The following ULK4 variants were observed in gnomAD, a reference collection of about 807,000 sequenced individuals.
ULK4 encodes the protein inactive serine/threonine-protein kinase ULK4.
ULK4 carries 133 observed loss-of-function variants against 160.6 expected under a neutral mutation model. The observed-to-expected ratio is 0.83, with a 90% CI of 0.72 to 0.96. ULK4 has a LOEUF of 0.96. ULK4 is among the 40% of genes least tolerant of loss of function. The probability of loss-of-function intolerance (pLI) is 0.00; values close to 1 mark genes in which losing one functional copy is unlikely to be tolerated. For synonymous variants in ULK4, 534 were observed against 539.8 expected, an observed-to-expected ratio of 0.99 and a Z score of 0.15; for missense variants, 1,580 against 1,499.5, an observed-to-expected ratio of 1.05 and a Z score of -0.89.
intron 32 of ULK4, among the ~76,000 whole-genome samples, chr3:41,539,631 G>A (rs111566772): frequency 2.6e-5 from 4 of 152,150 alleles, no homozygotes; most frequent in African/African-American, 9.7e-5. Context: ...CCCTGTGTAA[G>A]TAAGGACCCT....
chr3:41,627,716 CA>C (rs1277307529), intron 30 of ULK4, among the ~76,000 whole-genome samples: 6 of 152,108 alleles, frequency 3.9e-5, no homozygotes, highest in African/African-American at 1.5e-4. Flanking sequence ...AACAGATATA[CA>C]AACAAATATA....
intron 34 of ULK4, among the ~76,000 whole-genome samples, chr3:41,417,388 A>C (rs1043921756): frequency 6.6e-6 from 1 of 152,182 alleles, no homozygotes; most frequent in Non-Finnish European, 1.5e-5. Flanking sequence ...AACATAGCTG[A>C]AACACCTGAA....
intron 35 of ULK4, among the ~76,000 whole-genome samples, chr3:41,263,425 G>A (rs2078980111): frequency 6.6e-6 from 1 of 152,116 alleles, no homozygotes. Flanking sequence ...ACTGGATGGA[G>A]GGAAGCAAAG....
chr3:41,271,935 G>A (rs2079144763), intron 35 of ULK4, among the ~76,000 whole-genome samples: 1 of 151,950 alleles, frequency 6.6e-6, no homozygotes, highest in Admixed American at 6.6e-5. Flanking sequence ...TTTACTTTTT[G>A]AGATGGAGTC....
intron 18 of ULK4, among the ~76,000 whole-genome samples, chr3:41,826,244 A>C (rs111836980): frequency 0.25 from 38,630 of 151,886 alleles, 6,080 homozygotes; most frequent in African/African-American, 0.45. Flanking sequence ...GAAGAAACTG[A>C]ATCAACTAAC....
At chr3:41,251,620 T>C (rs1032996762) in intron 35 of ULK4, among the ~76,000 whole-genome samples, 1 of 152,186 alleles carries the variant, frequency 6.6e-6, no homozygotes, top group Non-Finnish European at 1.5e-5. Flanking sequence ...AGAGAGTAGA[T>C]GAAACCCCCT....
intron 29 of ULK4, among the ~76,000 whole-genome samples, chr3:41,666,089 C>T (rs1028587276): frequency 4.6e-5 from 7 of 152,296 alleles, no homozygotes; most frequent in African/African-American, 1.7e-4. Context: ...TGTGTGGCAA[C>T]ACTGGTGAAG....
intron 35 of ULK4, among the ~76,000 whole-genome samples, chr3:41,382,602 T>C (rs1477380233): frequency 3.9e-5 from 6 of 152,168 alleles, no homozygotes; most frequent in African/African-American, 4.8e-5. Flanking sequence ...TAAAATAATA[T>C]ACCTAAACCT....
At chr3:41,948,737 A>AC (rs1700190069) in intron 2 of ULK4, among the ~76,000 whole-genome samples, 1 of 151,352 alleles carries the variant, frequency 6.6e-6, no homozygotes, top group Admixed American at 6.6e-5. Context: ...AAAAAAAAAA[A>AC]ACTCCAAAAG....
chr3:41,758,293 C>T (rs1306610893), intron 21 of ULK4, among the ~76,000 whole-genome samples: 2 of 152,084 alleles, frequency 1.3e-5, no homozygotes, highest in Non-Finnish European at 1.5e-5. Context: ...CCCAAACATA[C>T]TAAGATACCA....
chr3:41,958,428 G>A (rs1700553358), intron 1 of ULK4, among the ~76,000 whole-genome samples: 1 of 151,970 alleles, frequency 6.6e-6, no homozygotes, highest in African/African-American at 2.4e-5. Flanking sequence ...ATTGGCAGAT[G>A]CGGTGGCTCA....
chr3:41,824,163 T>TTTTAAAA (rs555935496), intron 18 of ULK4, among the ~76,000 whole-genome samples: 7 of 117,800 alleles, frequency 5.9e-5, no homozygotes, highest in East Asian at 2.3e-4. Context: ...ACTCTATCTT[T>TTTTAAAA]AAAAAAAAAA....
At chr3:41,605,375 A>G (rs920302478) in intron 31 of ULK4, among the ~76,000 whole-genome samples, 27 of 152,016 alleles carry the variant, frequency 1.8e-4, no homozygotes, top group African/African-American at 6.0e-4. Context: ...AATTTTGAAT[A>G]TAAAGGCATA....
intron 22 of ULK4, 34 bp from the exon 23 acceptor site, chr3:41,717,895 T>C (rs905339102): frequency 2.5e-6 from 4 of 1,598,224 alleles, no homozygotes; most frequent in Non-Finnish European, 3.4e-6. Context: ...TTACCTCTCA[T>C]GATAAAACAC....
chr3:41,378,777 TAATAAATAAAATAA>T (rs1234823267), intron 35 of ULK4, among the ~76,000 whole-genome samples: 6 of 150,866 alleles, frequency 4.0e-5, no homozygotes, highest in South Asian at 4.2e-4. Flanking sequence ...ACTTAAAGTA[TAATAAATAAAATAA>T]AATAAATAAA....
chr3:41,490,271 G>C (rs36005802), intron 32 of ULK4, among the ~76,000 whole-genome samples: 2 of 152,116 alleles, frequency 1.3e-5, no homozygotes, highest in South Asian at 2.1e-4. Flanking sequence ...AAGGGAGCCT[G>C]AGCATCACGC....
intron 35 of ULK4, among the ~76,000 whole-genome samples, chr3:41,324,364 C>T (rs146995954): frequency 2.6e-5 from 4 of 152,350 alleles, no homozygotes; most frequent in African/African-American, 9.6e-5. Context: ...ATCCAATTCA[C>T]TGCATTTACT....
At chr3:41,255,263 C>T (rs934866397) in intron 35 of ULK4, among the ~76,000 whole-genome samples, 1 of 151,942 alleles carries the variant, frequency 6.6e-6, no homozygotes, top group Non-Finnish European at 1.5e-5. Flanking sequence ...GGGTGGATCA[C>T]CTAAGGTCAG....
chr3:41,552,251 T>C (rs2087097962), intron 32 of ULK4, among the ~76,000 whole-genome samples: 1 of 151,894 alleles, frequency 6.6e-6, no homozygotes, highest in African/African-American at 2.4e-5. Context: ...AAATTGGAAA[T>C]CCTAGCCAGA....
Sources: allele counts gnomAD v4.1 joint callset (sites outside exome capture counted in the v4.1 genomes callset), GRCh38; gene constraint gnomAD v4.1.1; transcripts MANE v1.5; gene names NCBI Gene and HGNC (gene_info 2026-07-23, HGNC 2026-07-21).